The following STPG2 variants were observed in gnomAD, a reference collection of about 807,000 sequenced individuals.
STPG2 encodes the protein sperm tail PG-rich repeat containing 2.
In STPG2, 56 loss-of-function variants were observed where a neutral mutation model predicts 54.2. The ratio of observed to expected loss-of-function variants is 1.03; its 90% CI spans 0.83 to 1.29. The LOEUF (loss-of-function observed/expected upper bound fraction) is 1.29, where lower values mean the gene tolerates loss of function less well. STPG2 is among the 50% of genes most tolerant of loss of function. The pLI is 0.00. For missense variants in STPG2, 596 were observed against 544.9 expected (o/e 1.09, Z -0.93); for synonymous variants, 200 against 181.8 (o/e 1.10, Z -0.81).
intron 10 of STPG2, among the ~76,000 whole-genome samples, chr4:97,600,272 A>G (rs1733423839): frequency 6.6e-6 from 1 of 152,200 alleles, no homozygotes; most frequent in East Asian, 1.9e-4. Context: ...CACATGTAAA[A>G]AGAATTTAAT....
Position 97,897,897 on chromosome 4 carries a change from C to G in STPG2, c.1044+46000G>C, listed in dbSNP as rs182694883. ...GATAGCCTCCTTTGCCATGCAGAAG[C>G]TCTTAAGTATAATTAGATCCCTCTT... On this transcript the variant is annotated intron_variant, in intron 8 of 10. Transcript: ENST00000295268. Among the ~76,000 whole-genome samples, 847 of 151,630 alleles carry G rather than the reference C, an allele frequency of 5.6e-3. 33 individuals are homozygous for G. Among genetic ancestry groups the G allele is most frequent in the Non-Finnish European group, 1.4e-3 (96 of 67,570 alleles).
At chr4:97,850,323 T>TAAATAAAG (rs1560553605) in intron 8 of STPG2, among the ~76,000 whole-genome samples, 5 of 131,062 alleles carry the variant, frequency 3.8e-5, no homozygotes, top group Admixed American at 1.5e-4. Flanking sequence ...AATAAATAAA[T>TAAATAAAG]AAAGAAGTAG....
intron 6 of STPG2, among the ~76,000 whole-genome samples, chr4:97,979,119 A>G (rs1198861797): frequency 1.3e-5 from 2 of 152,238 alleles, no homozygotes; most frequent in Non-Finnish European, 2.9e-5. Flanking sequence ...ATAAATTAAA[A>G]CAATAAGAAA....
intron 5 of STPG2, among the ~76,000 whole-genome samples, chr4:98,026,838 C>T (rs1027075541): frequency 4.6e-5 from 7 of 152,174 alleles, no homozygotes; most frequent in African/African-American, 1.4e-4. Context: ...AAAGACAGTA[C>T]ATTTGTAGAG....
intron 7 of STPG2, among the ~76,000 whole-genome samples, chr4:97,971,876 A>T (rs34070283): frequency 0.39 from 58,955 of 151,720 alleles, 11,510 homozygotes; most frequent in Middle Eastern, 0.45. Context: ...CTTTCTCCAT[A>T]TTAGAAAGCT....
chr4:97,558,536 C>G (rs960583024), downstream of STPG2, among the ~76,000 whole-genome samples: 4 of 152,204 alleles, frequency 2.6e-5, no homozygotes, highest in Non-Finnish European at 5.9e-5. Context: ...TTATTGTATG[C>G]TACGCTATAG....
intron 10 of STPG2, among the ~76,000 whole-genome samples, chr4:97,640,226 G>A (rs1276702749): frequency 6.6e-6 from 1 of 151,858 alleles, no homozygotes; most frequent in Non-Finnish European, 1.5e-5. Flanking sequence ...TTGAAACTGT[G>A]GTTTCAAAGG....
intron 4 of STPG2, among the ~76,000 whole-genome samples, chr4:97,539,595 G>C (rs1381811930): frequency 6.6e-6 from 1 of 152,116 alleles, no homozygotes; most frequent in South Asian, 2.1e-4. Flanking sequence ...ATAATAATGG[G>C]AGACGTTAAC....
At chr4:97,619,876 T>A (rs1179858042) in intron 10 of STPG2, among the ~76,000 whole-genome samples, 1 of 150,938 alleles carries the variant, frequency 6.6e-6, no homozygotes, top group Non-Finnish European at 1.5e-5. Flanking sequence ...CAGTTTGGAG[T>A]GCAGTGGCGC....
intron 3 of STPG2, among the ~76,000 whole-genome samples, chr4:98,122,610 A>G (rs1383617500): frequency 6.6e-6 from 1 of 152,204 alleles, no homozygotes; most frequent in Admixed American, 6.5e-5. Flanking sequence ...TTTTGCATCA[A>G]TGCTCATCAG....
intron 8 of STPG2, among the ~76,000 whole-genome samples, chr4:97,891,229 T>C (rs1730759786): frequency 6.6e-6 from 1 of 152,090 alleles, no homozygotes; most frequent in Non-Finnish European, 1.5e-5. Context: ...AATCTCACTT[T>C]GTGATCATTA....
intron 8 of STPG2, among the ~76,000 whole-genome samples, chr4:97,928,104 G>C (rs1269076064): frequency 6.6e-6 from 1 of 152,108 alleles, no homozygotes; most frequent in Non-Finnish European, 1.5e-5. Context: ...TGCATAGGTT[G>C]ACCACTAGAG....
At chr4:97,999,364 A>C (rs1284481089) in intron 5 of STPG2, among the ~76,000 whole-genome samples, 1 of 152,134 alleles carries the variant, frequency 6.6e-6, no homozygotes, top group Non-Finnish European at 1.5e-5. Flanking sequence ...ACTATGACAC[A>C]CTCCTGGCTA....
intron 8 of STPG2, among the ~76,000 whole-genome samples, chr4:97,883,052 C>T (rs1487369662): frequency 6.6e-6 from 1 of 151,698 alleles, no homozygotes; most frequent in Non-Finnish European, 1.5e-5. Context: ...GTCATGGTGG[C>T]TCACGCTGTA....
At chr4:97,474,611 A>C (rs1730026713) in intron 4 of STPG2, among the ~76,000 whole-genome samples, 1 of 152,198 alleles carries the variant, frequency 6.6e-6, no homozygotes, top group African/African-American at 2.4e-5. Flanking sequence ...GGAAGGAGGA[A>C]GTTTAGCCAG....
At chr4:98,087,476 C>T (rs1161888751) in intron 5 of STPG2, among the ~76,000 whole-genome samples, 1 of 152,082 alleles carries the variant, frequency 6.6e-6, no homozygotes. Context: ...TGCCCTCATC[C>T]ACTGTCTCCA....
chr4:97,796,131 T>G (rs921262868), intron 9 of STPG2, among the ~76,000 whole-genome samples: 20 of 152,180 alleles, frequency 1.3e-4, no homozygotes, highest in Non-Finnish European at 2.6e-4. Context: ...TTGCAAAAAT[T>G]TTCTCCCATT....
intron 8 of STPG2, among the ~76,000 whole-genome samples, chr4:97,893,888 T>C (rs981454803): frequency 6.6e-6 from 1 of 152,134 alleles, no homozygotes; most frequent in African/African-American, 2.4e-5. Context: ...TAAAATCTAT[T>C]ATTTATAAAT....
At chr4:98,139,952 T>C (rs1447996333) in intron 1 of STPG2, among the ~76,000 whole-genome samples, 1 of 152,226 alleles carries the variant, frequency 6.6e-6, no homozygotes, top group Non-Finnish European at 1.5e-5. Context: ...GTAAAGATCG[T>C]GGTTATTGCC....
Sources: gnomAD v4.1 joint callset for allele counts (sites outside exome capture counted in the v4.1 genomes callset) on GRCh38, gnomAD v4.1.1 for gene constraint, MANE v1.5 for transcripts, NCBI Gene and HGNC (gene_info 2026-07-23, HGNC 2026-07-21) for gene names.